Variants in MMP12 observed in about 807,000 individuals in gnomAD.
MMP12 encodes the protein matrix metallopeptidase 12, also known as macrophage metalloelastase.
In MMP12, 51 loss-of-function variants were observed where a neutral mutation model predicts 45.2. The ratio of observed to expected loss-of-function variants is 1.13; its 90% CI spans 0.90 to 1.42. The LOEUF (loss-of-function observed/expected upper bound fraction) is 1.42, where lower values mean the gene tolerates loss of function less well. MMP12 is among the 40% of genes most tolerant of loss of function. MMP12 has a pLI of 0.00. For synonymous variants in MMP12, 210 were observed against 193.3 expected, an observed-to-expected ratio of 1.09 and a Z score of -0.72; for missense variants, 530 against 570.8, an observed-to-expected ratio of 0.93 and a Z score of 0.73.
At chr11:102,867,471 A>C in intron 5 of MMP12, 78 bp from the exon 6 acceptor site, 1 of 1,318,874 alleles carries the variant, frequency 7.6e-7, no homozygotes, top group Non-Finnish European at 1.0e-6. Context: ...TGTTTTAAAT[A>C]CTCAATTTTC....
intron 1 of MMP12, 26 bp from the exon 2 acceptor site, chr11:102,873,138 T>G (rs534882108): frequency 1.2e-6 from 2 of 1,602,288 alleles, no homozygotes; most frequent in South Asian, 2.2e-5. Flanking sequence ...CATTCAGCAA[T>G]GTGTAAGTAC....
intron 5 of MMP12, 150 bp downstream of exon 5, chr11:102,867,758 G>T: frequency 2.5e-6 from 2 of 812,362 alleles, no homozygotes; most frequent in Non-Finnish European, 3.8e-6. Flanking sequence ...TCTGTATAAT[G>T]AAGATAATAC....
At position 102,867,366 on chromosome 11, in the gene MMP12, G is replaced by C. The variant is rs200034246; in HGVS notation, c.815C>G (p.Pro272Arg). Residue 272 changes from proline to arginine, a missense_variant, in exon 6 of 10, where the codon CCA (proline) becomes CGA (arginine). Physicochemically the swap from Pro to Arg is moderately radical, Grantham distance 103. Transcript: ENST00000571244. ...YGDPKENQRL[P>R]NPDNSEPALC... ...AGCTGGTTCTGAATTGTCAGGATTT[G>C]GCAAGCGTTGGTTCTCTTTTGGGTC... 35 of 1,611,066 alleles carry C rather than the reference G, an allele frequency of 2.2e-5. No individual in the cohort carries two copies. The highest frequency in any genetic ancestry group is 3.0e-5 in the Non-Finnish European group (35 of 1,178,688).
rs1555009877 is a variant in MMP12 at position 102,874,876 on chromosome 11, C to T, written c.62G>A (p.Ser21Asn). 1.9e-6 allele frequency: 3 copies of T among 1,607,444 alleles called. No individual in the cohort carries two copies. Among genetic ancestry groups the T allele is most frequent in the Non-Finnish European group, 1.7e-6 (2 of 1,176,776 alleles). ...ATTATTTTTTTCCAGGCTTGTAGAG[C>T]TGTTCAGGGGAAGAGCTCCAGAAGC... Reference protein sequence around the residue: ...ATASGALPLNSSTSLEKNNVL... With the variant: ...ATASGALPLNNSTSLEKNNVL... The change falls in exon 1 of 10, where the codon AGC becomes AAC. Residue 21 changes from serine (S) to asparagine (N), a missense_variant. Coordinates refer to ENST00000571244, the MANE Select transcript of MMP12 (RefSeq NM_002426.6).
At chr11:102,869,145 A>T (rs1859448085) in intron 4 of MMP12, among the ~76,000 whole-genome samples, 1 of 152,192 alleles carries the variant, frequency 6.6e-6, no homozygotes, top group African/African-American at 2.4e-5. Flanking sequence ...CCCTAGTCCA[A>T]TGCCTTCATT....
chr11:102,873,358 G>A (rs555124379), intron 1 of MMP12, among the ~76,000 whole-genome samples: 45 of 152,094 alleles, frequency 3.0e-4, no homozygotes, highest in Non-Finnish European at 5.4e-4. Flanking sequence ...CCAGCATTTC[G>A]GGAGGCTGAG....
At chr11:102,871,563 TTTTGTTTG>T (rs782304013) in intron 4 of MMP12, 23 bp downstream of exon 4, 1 of 1,546,586 alleles carries the variant, frequency 6.5e-7, no homozygotes, top group South Asian at 1.2e-5. Flanking sequence ...TTGCTTAGTT[TTTTGTTTG>T]TTTGTTTGTT....
chr11:102,873,421 G>A (rs549310528), intron 1 of MMP12, among the ~76,000 whole-genome samples: 1 of 152,108 alleles, frequency 6.6e-6, no homozygotes, highest in East Asian at 1.9e-4. Context: ...ACAACATGGC[G>A]AAACCTCCTC....
intron 4 of MMP12, among the ~76,000 whole-genome samples, chr11:102,870,688 G>T (rs1555009226): frequency 6.6e-6 from 1 of 152,176 alleles, no homozygotes; most frequent in African/African-American, 2.4e-5. Flanking sequence ...TATCTGAGGA[G>T]GATGGTAAGT....
Position 102,864,174 on chromosome 11 carries a change from T to A in MMP12, c.1284A>T (p.Lys428Asn), listed in dbSNP as rs2054399190. ...ITKNFQGIGP[K>N]IDAVFYSKNK... Reference sequence around the variant, plus strand: ...TTTTAGAGTAGAAGACTGCATCAATTTTAGGCCCGATTCCTTGGAAGTTCT... The same window carrying A: ...TTTTAGAGTAGAAGACTGCATCAATATTAGGCCCGATTCCTTGGAAGTTCT... The change falls in exon 9 of 10, where the codon AAA (lysine) becomes AAT (asparagine). Residue 428 changes from lysine to asparagine, a missense_variant. By Grantham distance (94) the Lys-to-Asn change is moderately conservative. Coordinates refer to ENST00000571244, the MANE Select transcript of MMP12 (RefSeq NM_002426.6). 1 of 1,613,482 alleles carries A rather than the reference T, an allele frequency of 6.2e-7. No individual in the cohort carries two copies. The highest frequency in any genetic ancestry group is 8.5e-7 in the Non-Finnish European group (1 of 1,179,508).
At chr11:102,866,543 T>C in intron 6 of MMP12, 95 bp from the exon 7 acceptor site, 1 of 1,294,082 alleles carries the variant, frequency 7.7e-7, no homozygotes, top group East Asian at 2.5e-5. Flanking sequence ...GACCCAATAT[T>C]TCTTTCCATT....
At chr11:102,864,022 CG>C (rs1555008160) in intron 9 of MMP12, 123 bp downstream of exon 9, 1 of 712,964 alleles carries the variant, frequency 1.4e-6, no homozygotes, top group Non-Finnish European at 2.4e-6. Flanking sequence ...TTTTTCCTTG[CG>C]GCCCTATGGG....
intron 6 of MMP12, 94 bp downstream of exon 6, chr11:102,867,176 T>C: frequency 8.5e-7 from 1 of 1,182,994 alleles, no homozygotes. Flanking sequence ...ACAAGTTTCA[T>C]CTACTTCATT....
At chr11:102,868,299 T>C (rs1555008915) in intron 4 of MMP12, among the ~76,000 whole-genome samples, 1 of 152,210 alleles carries the variant, frequency 6.6e-6, no homozygotes, top group Non-Finnish European at 1.5e-5. Context: ...TAAATGCAAG[T>C]AGCAAATCCT....
In MMP12 at chr11:102,869,973, AT is replaced by A. The variant is rs570282702; in HGVS notation, c.625+1620del. On this transcript the variant is annotated intron_variant, in intron 4 of 9. Transcript: ENST00000571244. ...ACAACAAAAACGGCTGAAAATAAGC[AT>A]TTTAAGTTATAATTGTCATAAATAA... Among the ~76,000 whole-genome samples the A allele has an allele frequency of 1.4e-4, 22 of 152,314 alleles. No individual in the cohort carries two copies. The South Asian group carries it at 4.4e-3, about 30-fold the overall frequency.
rs1555008573 is a variant in MMP12 at position 102,866,420 on chromosome 11, G to T, written c.940C>A (p.Pro314Thr). Residue 314 changes from proline (P) to threonine (T), a missense_variant, in exon 7 of 10, where the codon CCA becomes ACA. Physicochemically the swap from Pro to Thr is conservative, Grantham distance 38 (BLOSUM62 -1). Coordinates refer to ENST00000571244, the MANE Select transcript of MMP12 (RefSeq NM_002426.6). Reference protein sequence around the residue: ...RFFWLKVSERPKTSVNLISSL... With the variant: ...RFFWLKVSERTKTSVNLISSL... ...GAAATTAAATTAACACTGGTCTTTG[G>T]TCTCTCAGAAACCTTCAGCCAGAAG... 1 of 1,610,600 alleles carries T rather than the reference G, an allele frequency of 6.2e-7. No individual in the cohort carries two copies. Among genetic ancestry groups the T allele is most frequent in the Non-Finnish European group, 8.5e-7 (1 of 1,178,466 alleles).
At chr11:102,874,695 A>G (rs1245148695) in intron 1 of MMP12, 141 bp downstream of exon 1, 3 of 541,702 alleles carry the variant, frequency 5.5e-6, no homozygotes, top group Non-Finnish European at 9.8e-6. Flanking sequence ...CTTAATACTG[A>G]AAGCAGACAG....
In MMP12 at chr11:102,871,843, T is replaced by C. The variant is rs1859503097; in HGVS notation, c.460A>G (p.Thr154Ala). ...VTPLKFSKIN[T>A]GMADILVVFA... ...ACCACCAAAATGTCAGCCATGCCTG[T>C]GTTAATCTTGCTGAATTTCAAGGGG... Residue 154 changes from threonine to alanine, a missense_variant, in exon 3 of 10, where the codon ACA (threonine) becomes GCA (alanine). Physicochemically the swap from Thr to Ala is moderately conservative, Grantham distance 58. Coordinates refer to ENST00000571244, the MANE Select transcript of MMP12 (RefSeq NM_002426.6). 3 of 1,613,442 alleles carry C rather than the reference T, an allele frequency of 1.9e-6. No individual in the cohort carries two copies. The highest frequency in any genetic ancestry group is 1.3e-5 in the African/African-American group (1 of 74,926).
chr11:102,863,648 C>T (rs1488782375), intron 9 of MMP12, among the ~76,000 whole-genome samples: 3 of 152,108 alleles, frequency 2.0e-5, no homozygotes, highest in African/African-American at 7.2e-5. Context: ...ATCTTGACCC[C>T]ATGAACAGTT....
Sources: gnomAD v4.1 joint callset for allele counts (sites outside exome capture counted in the v4.1 genomes callset) on GRCh38, gnomAD v4.1.1 for gene constraint, MANE v1.5 for transcripts, NCBI Gene and HGNC (gene_info 2026-07-23, HGNC 2026-07-21) for gene names.